TMEM178B: variants seen among roughly 807,000 people sequenced by gnomAD.
TMEM178B encodes transmembrane protein 178B.
TMEM178B carries 5 observed loss-of-function variants against 31.0 expected under a neutral mutation model. That is an observed-to-expected ratio of 0.16 (90% CI 0.08 to 0.34). The LOEUF (loss-of-function observed/expected upper bound fraction) is 0.34, where lower values mean the gene tolerates loss of function less well. Ranked by LOEUF, TMEM178B falls within the 10% of genes least tolerant of loss-of-function variation. The pLI is 1.00. For missense variants in TMEM178B, 275 were observed against 400.3 expected (o/e 0.69, Z 2.67); for synonymous variants, 164 against 164.0 (o/e 1.00, Z 0.00).
In TMEM178B at chr7:141,394,488, G is replaced by T. The variant is rs573874353; in HGVS notation, c.497-43120G>T. ...GTTATCTACAGGTTTTTGAACCTCA[G>T]TTTCCTGATCTATAGGATTGGGGCA... On this transcript the variant is annotated intron_variant, in intron 2 of 3. Coordinates refer to ENST00000565468, the MANE Select transcript of TMEM178B (RefSeq NM_001195278.2). 5.3e-5 allele frequency among the ~76,000 whole-genome samples: 8 copies of T among 152,330 alleles called. No homozygotes were observed. The South Asian group carries it at 1.7e-3, about 32-fold the overall frequency.
chr7:141,169,997 G>A (rs1162928711), intron 1 of TMEM178B, among the ~76,000 whole-genome samples: 2 of 151,954 alleles, frequency 1.3e-5, no homozygotes, highest in Non-Finnish European at 2.9e-5. Context: ...TTTCCATATT[G>A]CTACATAAAT....
chr7:141,440,264 G>C (rs1801633080), intron 3 of TMEM178B, among the ~76,000 whole-genome samples: 1 of 152,196 alleles, frequency 6.6e-6, no homozygotes. Context: ...TCTATAGGGT[G>C]AATGAGTGAG....
At chr7:141,421,029 G>A (rs926385787) in intron 2 of TMEM178B, among the ~76,000 whole-genome samples, 1 of 152,164 alleles carries the variant, frequency 6.6e-6, no homozygotes, top group South Asian at 2.1e-4. Flanking sequence ...AGAAGAAGGA[G>A]CTAGAGGCTA....
chr7:141,140,284 C>G (rs111566386), intron 1 of TMEM178B, among the ~76,000 whole-genome samples: 9,051 of 152,286 alleles, frequency 0.059, 921 homozygotes, highest in African/African-American at 0.21. Flanking sequence ...TCTCCTTACA[C>G]GACTCAGACC....
At chr7:141,443,569 C>A (rs1586964113) in intron 3 of TMEM178B, among the ~76,000 whole-genome samples, 1 of 152,264 alleles carries the variant, frequency 6.6e-6, no homozygotes, top group Middle Eastern at 3.4e-3. Flanking sequence ...AGGTAAAATG[C>A]CATTTTCATC....
intron 2 of TMEM178B, among the ~76,000 whole-genome samples, chr7:141,337,053 C>T (rs1255422750): frequency 7.5e-5 from 6 of 79,472 alleles, no homozygotes; most frequent in South Asian, 4.4e-4. Context: ...ACCACCATCA[C>T]CACCACCACC....
intron 2 of TMEM178B, among the ~76,000 whole-genome samples, chr7:141,356,457 A>G (rs1163674719): frequency 1.3e-5 from 2 of 151,612 alleles, no homozygotes; most frequent in African/African-American, 4.8e-5. Flanking sequence ...TGATTTACAT[A>G]TCTCTGATGA....
At chr7:141,277,393 A>G (rs766180332) in intron 2 of TMEM178B, among the ~76,000 whole-genome samples, 10 of 152,134 alleles carry the variant, frequency 6.6e-5, no homozygotes, top group African/African-American at 9.7e-5. Context: ...GGGATCATCA[A>G]TCTCGCTGTC....
intron 2 of TMEM178B, among the ~76,000 whole-genome samples, chr7:141,347,484 T>G (rs913455917): frequency 6.6e-6 from 1 of 152,178 alleles, no homozygotes; most frequent in Non-Finnish European, 1.5e-5. Flanking sequence ...ACTGTTCAGC[T>G]GAACATCCTA....
chr7:141,161,150 C>G (rs541685153), intron 1 of TMEM178B, among the ~76,000 whole-genome samples: 1 of 152,144 alleles, frequency 6.6e-6, no homozygotes, highest in South Asian at 2.1e-4. Flanking sequence ...CCACTGCGCC[C>G]GGCCTGGATT....
intron 2 of TMEM178B, among the ~76,000 whole-genome samples, chr7:141,231,104 C>G (rs1055136858): frequency 6.6e-6 from 1 of 152,198 alleles, no homozygotes; most frequent in Non-Finnish European, 1.5e-5. Context: ...GGATTTTTCT[C>G]TCTTGAAGTT....
chr7:141,500,175 T>C, the TMEM178B span, among the ~76,000 whole-genome samples: 1 of 152,164 alleles, frequency 6.6e-6, no homozygotes, highest in East Asian at 1.9e-4. Flanking sequence ...TTATTGACCA[T>C]CAATTATGTG....
the TMEM178B span, among the ~76,000 whole-genome samples, chr7:141,510,707 A>AAAAAAAAAG: frequency 7.4e-6 from 1 of 136,000 alleles, no homozygotes; most frequent in Non-Finnish European, 1.5e-5. Context: ...AAAAAAAAAA[A>AAAAAAAAAG]AAAAAGAAAA....
chr7:141,148,039 A>G (rs967651907), intron 1 of TMEM178B, among the ~76,000 whole-genome samples: 2 of 152,168 alleles, frequency 1.3e-5, no homozygotes, highest in Non-Finnish European at 2.9e-5. Context: ...AAAGGCTGAA[A>G]TGGGTCCTAG....
intron 2 of TMEM178B, among the ~76,000 whole-genome samples, chr7:141,322,723 C>T (rs551896077): frequency 6.6e-6 from 1 of 152,272 alleles, no homozygotes; most frequent in African/African-American, 2.4e-5. Context: ...TTACCCCAGC[C>T]TGCCTGGAAC....
chr7:141,277,490 C>T (rs181071251), intron 2 of TMEM178B, among the ~76,000 whole-genome samples: 85 of 152,274 alleles, frequency 5.6e-4, no homozygotes, highest in African/African-American at 1.9e-3. Flanking sequence ...ACAATGCCTT[C>T]CTCTGGAATC....
intron 1 of TMEM178B, among the ~76,000 whole-genome samples, chr7:141,165,398 G>A (rs1796245919): frequency 6.6e-6 from 1 of 152,150 alleles, no homozygotes; most frequent in Non-Finnish European, 1.5e-5. Context: ...TGGGTTATTA[G>A]GTTTTGGGGA....
At chr7:141,208,364 C>T (rs1796999649) in intron 1 of TMEM178B, among the ~76,000 whole-genome samples, 1 of 152,122 alleles carries the variant, frequency 6.6e-6, no homozygotes, top group African/African-American at 2.4e-5. Flanking sequence ...TCCTTCCTTC[C>T]AGGTAGCCCC....
intron 2 of TMEM178B, among the ~76,000 whole-genome samples, chr7:141,392,251 C>G (rs1800556396): frequency 6.6e-6 from 1 of 152,164 alleles, no homozygotes; most frequent in South Asian, 2.1e-4. Flanking sequence ...GATAGAGAGA[C>G]AAAGATTATA....
Sources: allele counts gnomAD v4.1 joint callset (sites outside exome capture counted in the v4.1 genomes callset), GRCh38; gene constraint gnomAD v4.1.1; transcripts MANE v1.5; gene names NCBI Gene and HGNC (gene_info 2026-07-23, HGNC 2026-07-21).